Variants in CAMK2D observed in about 807,000 individuals in gnomAD.
CAMK2D encodes the protein calcium/calmodulin-dependent protein kinase type II subunit delta.
A neutral mutation model predicts 84.0 loss-of-function variants in CAMK2D; 37 were observed. The observed-to-expected ratio is 0.44, with a 90% confidence interval of 0.34 to 0.58. CAMK2D has a LOEUF of 0.58. Among genes scored for constraint, CAMK2D ranks in the 20% least tolerant of loss-of-function variants. CAMK2D has a pLI of 0.02. For missense variants in CAMK2D, 448 were observed against 652.5 expected (o/e 0.69, Z 3.41); for synonymous variants, 202 against 212.5 (o/e 0.95, Z 0.43).
intron 5 of CAMK2D, among the ~76,000 whole-genome samples, chr4:113,551,031 A>C (rs994933711): frequency 6.6e-6 from 1 of 152,190 alleles, no homozygotes; most frequent in African/African-American, 2.4e-5. Flanking sequence ...GGGATTAGCA[A>C]GCCTTGGGAA....
chr4:113,745,747 T>C (rs896357638), intron 2 of CAMK2D, among the ~76,000 whole-genome samples: 2 of 152,218 alleles, frequency 1.3e-5, no homozygotes, highest in South Asian at 2.1e-4. Flanking sequence ...GTTTTAAAGA[T>C]AGAACATTTT....
intron 2 of CAMK2D, among the ~76,000 whole-genome samples, chr4:113,732,532 T>A (rs892859213): frequency 6.6e-6 from 1 of 152,204 alleles, no homozygotes; most frequent in African/African-American, 2.4e-5. Context: ...TAAACAAATT[T>A]GACTTTAATC....
At chr4:113,730,719 G>A (rs1249428951) in intron 2 of CAMK2D, among the ~76,000 whole-genome samples, 1 of 152,178 alleles carries the variant, frequency 6.6e-6, no homozygotes, top group African/African-American at 2.4e-5. Flanking sequence ...GAATGAAACT[G>A]TTAACTGTTT....
In CAMK2D at chr4:113,652,009, T is replaced by TA. The variant is rs201344618; in HGVS notation, c.220+9703dup. Among the ~76,000 whole-genome samples, 75 of 152,352 alleles carry TA rather than the reference T, an allele frequency of 4.9e-4. 1 individual carries two copies. In the East Asian group the frequency reaches 0.014, roughly 28 times the overall value. The stretch of plus-strand genomic sequence containing the variant: ...TAATAAATACTAAAATTAGATAATT[T>TA]AAGCAAGGATTTTTTAATCAATGTT... On this transcript the variant is annotated intron_variant, in intron 3 of 20. Coordinates refer to ENST00000511664, the MANE Select transcript of CAMK2D (RefSeq NM_001321571.2).
At chr4:113,490,140 A>C (rs1468151986) in intron 16 of CAMK2D, among the ~76,000 whole-genome samples, 3 of 145,830 alleles carry the variant, frequency 2.1e-5, no homozygotes, top group Non-Finnish European at 4.5e-5. Context: ...GAAGCTCTTT[A>C]GTTTAATTAG....
chr4:113,643,320 G>C (rs1029423041), intron 3 of CAMK2D, among the ~76,000 whole-genome samples: 6 of 152,178 alleles, frequency 3.9e-5, no homozygotes, highest in Admixed American at 3.9e-4. Flanking sequence ...CTAGTGTAGA[G>C]AGTTGGGAGG....
At chr4:113,483,119 A>G (rs1330273061) in intron 16 of CAMK2D, among the ~76,000 whole-genome samples, 1 of 152,222 alleles carries the variant, frequency 6.6e-6, no homozygotes, top group Non-Finnish European at 1.5e-5. Context: ...ATTTTAATGC[A>G]AAAAATAGCT....
intron 19 of CAMK2D, 104 bp downstream of exon 19, chr4:113,457,231 T>C: frequency 2.0e-6 from 3 of 1,489,144 alleles, no homozygotes; most frequent in Admixed American, 2.4e-5. Context: ...TGTAACCAAC[T>C]ACTAGCGTTA....
At chr4:113,485,593 C>T (rs760074572) in intron 16 of CAMK2D, among the ~76,000 whole-genome samples, 2 of 152,328 alleles carry the variant, frequency 1.3e-5, no homozygotes, top group South Asian at 4.1e-4. Context: ...CCTTCAAATA[C>T]ATATGCCACA....
In CAMK2D at chr4:113,710,555, A is replaced by T. The variant is rs571789981; in HGVS notation, c.160+48765T>A. On this transcript the variant is annotated intron_variant, in intron 2 of 20. Coordinates refer to ENST00000511664, the MANE Select transcript of CAMK2D (RefSeq NM_001321571.2). ...TCCTTTTATTCAAGAAACATTGAAAATAAAGGGATGATAATTAAGGGATAA... is the reference window on the plus strand; with the variant it reads ...TCCTTTTATTCAAGAAACATTGAAATTAAAGGGATGATAATTAAGGGATAA... Among the ~76,000 whole-genome samples, 5 of 152,326 alleles carry T rather than the reference A, an allele frequency of 3.3e-5. No homozygotes were observed. In the South Asian group the frequency reaches 1.0e-3, roughly 32 times the overall value.
chr4:113,492,839 A>C (rs1247354456), intron 16 of CAMK2D, among the ~76,000 whole-genome samples: 1 of 136,620 alleles, frequency 7.3e-6, no homozygotes, highest in African/African-American at 3.0e-5. Flanking sequence ...TATTGGGTGC[A>C]TATATATTTA....
chr4:113,669,356 G>A (rs184403600), intron 2 of CAMK2D, among the ~76,000 whole-genome samples: 1 of 152,268 alleles, frequency 6.6e-6, no homozygotes, highest in East Asian at 1.9e-4. Flanking sequence ...AGTTTCAAGA[G>A]AGCCTCTTAC....
At chr4:113,756,287 C>T (rs2099628412) in intron 2 of CAMK2D, among the ~76,000 whole-genome samples, 1 of 151,964 alleles carries the variant, frequency 6.6e-6, no homozygotes, top group Non-Finnish European at 1.5e-5. Context: ...GATTTATTAA[C>T]AATAGCCCTT....
chr4:113,663,136 T>C (rs2099241979), intron 2 of CAMK2D, among the ~76,000 whole-genome samples: 1 of 152,180 alleles, frequency 6.6e-6, no homozygotes, highest in South Asian at 2.1e-4. Flanking sequence ...AAATGTAAAT[T>C]CTTCAAACTC....
At chr4:113,745,119 A>C (rs1368644648) in intron 2 of CAMK2D, among the ~76,000 whole-genome samples, 4 of 152,208 alleles carry the variant, frequency 2.6e-5, no homozygotes. Flanking sequence ...AAGTAACATC[A>C]TAGAGGCTCT....
intron 16 of CAMK2D, among the ~76,000 whole-genome samples, chr4:113,483,362 G>A (rs573380205): frequency 4.0e-5 from 6 of 151,688 alleles, no homozygotes; most frequent in African/African-American, 1.2e-4. Context: ...TTCATCTGAA[G>A]CATTCTGTGT....
intron 3 of CAMK2D, among the ~76,000 whole-genome samples, chr4:113,630,163 T>C (rs934893932): frequency 6.6e-6 from 1 of 152,206 alleles, no homozygotes; most frequent in Non-Finnish European, 1.5e-5. Flanking sequence ...GAACTGTTTA[T>C]ACAGAGTTGA....
At chr4:113,565,019 T>C (rs1283362503) in intron 4 of CAMK2D, among the ~76,000 whole-genome samples, 2 of 152,220 alleles carry the variant, frequency 1.3e-5, no homozygotes, top group Non-Finnish European at 2.9e-5. Flanking sequence ...GATAAGTCAG[T>C]TGAAACATCA....
intron 4 of CAMK2D, among the ~76,000 whole-genome samples, chr4:113,558,326 A>C (rs957493762): frequency 1.3e-5 from 2 of 152,224 alleles, no homozygotes; most frequent in Non-Finnish European, 2.9e-5. Context: ...GAAGTCATTA[A>C]TTTTTATTGG....
Sources: allele counts gnomAD v4.1 joint callset (sites outside exome capture counted in the v4.1 genomes callset), GRCh38; gene constraint gnomAD v4.1.1; transcripts MANE v1.5; gene names NCBI Gene and HGNC (gene_info 2026-07-23, HGNC 2026-07-21).